Variants in COL4A6 observed in about 807,000 individuals in gnomAD.
COL4A6 encodes collagen type IV alpha 6 chain.
A neutral mutation model predicts 126.7 loss-of-function variants in COL4A6; 59 were observed. The observed-to-expected ratio is 0.47, with a 90% CI of 0.38 to 0.58. COL4A6 has a LOEUF of 0.58. COL4A6 is among the 20% of genes least tolerant of loss of function. The pLI, the probability that COL4A6 is intolerant of heterozygous loss-of-function variation, is 0.00. For synonymous variants in COL4A6, 547 were observed against 496.6 expected (o/e 1.10, Z -1.35); for missense variants, 1,285 against 1,337.3 (o/e 0.96, Z 0.61).
At chrX:108,355,281 C>A (rs2039935250) in intron 2 of COL4A6, among the ~76,000 whole-genome samples, 1 of 111,841 alleles carries the variant, frequency 8.9e-6, no homozygotes, top group South Asian at 3.7e-4. Flanking sequence ...GCTGTCTCCA[C>A]CTAAACTATC....
intron 2 of COL4A6, among the ~76,000 whole-genome samples, chrX:108,387,164 G>T (rs1388432282): frequency 8.9e-6 from 1 of 111,967 alleles, no homozygotes; most frequent in African/African-American, 3.2e-5. Context: ...TCCAAGCTTT[G>T]TTCTTTTTGC....
At chrX:108,427,661 G>GTTAGAGTGGCATGATCAATT (rs1341160045) in intron 2 of COL4A6, among the ~76,000 whole-genome samples, 21 of 111,680 alleles carry the variant, frequency 1.9e-4, no homozygotes, top group African/African-American at 6.5e-4. Flanking sequence ...TTCCACAAAT[G>GTTAGAGTGGCATGATCAATT]TTAGAGTGGC....
At chrX:108,307,191 G>A (rs971734177) in intron 3 of COL4A6, among the ~76,000 whole-genome samples, 8 of 111,657 alleles carry the variant, frequency 7.2e-5, no homozygotes, top group Non-Finnish European at 1.3e-4. Context: ...AAAGAAAAGT[G>A]AAAGTCATAT....
chrX:108,194,368 G>T (rs2035145892), intron 16 of COL4A6, among the ~76,000 whole-genome samples, 166 bp downstream of exon 16: 1 of 112,230 alleles, frequency 8.9e-6, no homozygotes, highest in African/African-American at 3.2e-5. Flanking sequence ...TCTAAGAAAT[G>T]CTCATTAGCA....
chrX:108,388,663 C>G (rs1415529800), intron 2 of COL4A6, among the ~76,000 whole-genome samples: 1 of 111,643 alleles, frequency 9.0e-6, no homozygotes, highest in African/African-American at 3.3e-5. Flanking sequence ...TTTCAAAAAA[C>G]TGGCTCCTGG....
chrX:108,249,660 G>C (rs2036802078), intron 3 of COL4A6, among the ~76,000 whole-genome samples: 1 of 111,503 alleles, frequency 9.0e-6, no homozygotes, highest in African/African-American at 3.3e-5. Context: ...TAGCTGGGGA[G>C]GTCTGCACTT....
At chrX:108,428,170 T>TAA (rs373757078) in intron 2 of COL4A6, among the ~76,000 whole-genome samples, 26 of 101,106 alleles carry the variant, frequency 2.6e-4, no homozygotes, top group East Asian at 2.1e-3. Flanking sequence ...GCTAATGAGC[T>TAA]AAAAAAAAAA....
intron 2 of COL4A6, among the ~76,000 whole-genome samples, chrX:108,437,432 T>A (rs1363507093): frequency 5.4e-5 from 6 of 111,628 alleles, no homozygotes; most frequent in Admixed American, 9.5e-5. Context: ...CATCACCTAG[T>A]GGTATCAGTT....
intron 3 of COL4A6, among the ~76,000 whole-genome samples, chrX:108,258,444 T>C (rs2037068055): frequency 8.9e-6 from 1 of 112,035 alleles, no homozygotes; most frequent in African/African-American, 3.2e-5. Flanking sequence ...AGGCCTATCT[T>C]ACTAATGACT....
chrX:108,348,552 A>C (rs145466383), intron 2 of COL4A6, among the ~76,000 whole-genome samples: 1,666 of 112,229 alleles, frequency 0.015, 26 homozygotes, highest in African/African-American at 0.051. Flanking sequence ...AAGTTTTAAA[A>C]CTATTTTTTT....
chrX:108,236,850 C>A (rs1292755976), intron 3 of COL4A6, among the ~76,000 whole-genome samples: 1 of 111,627 alleles, frequency 9.0e-6, no homozygotes, highest in Non-Finnish European at 1.9e-5. Flanking sequence ...TTTGTCATCA[C>A]CGAACACTCT....
chrX:108,398,022 G>C (rs2041002809), intron 2 of COL4A6, among the ~76,000 whole-genome samples: 2 of 112,642 alleles, frequency 1.8e-5, no homozygotes, highest in African/African-American at 6.4e-5. Context: ...TGAGAGTTTA[G>C]TCCACAAAAC....
At chrX:108,166,010 A>T (rs2034118851) in intron 37 of COL4A6, among the ~76,000 whole-genome samples, 1 of 112,496 alleles carries the variant, frequency 8.9e-6, no homozygotes, top group African/African-American at 3.2e-5. Flanking sequence ...TATCTTCTGC[A>T]ATTTCTAGGC....
chrX:108,222,117 C>T (rs781520966), intron 3 of COL4A6, among the ~76,000 whole-genome samples: 15 of 112,425 alleles, frequency 1.3e-4, no homozygotes, highest in African/African-American at 4.5e-4. Flanking sequence ...ATTTTAAATG[C>T]CCTGCTTATA....
intron 25 of COL4A6, among the ~76,000 whole-genome samples, chrX:108,179,936 G>C (rs969499038): frequency 9.2e-6 from 1 of 109,200 alleles, no homozygotes; most frequent in Non-Finnish European, 1.9e-5. Flanking sequence ...CATCCCCAGA[G>C]GTTATGATCA....
At chrX:108,292,547 A>G (rs2038188169) in intron 3 of COL4A6, among the ~76,000 whole-genome samples, 1 of 112,030 alleles carries the variant, frequency 8.9e-6, no homozygotes, top group African/African-American at 3.2e-5. Context: ...GAAGGGAAGG[A>G]GATAAGAACT....
intron 3 of COL4A6, among the ~76,000 whole-genome samples, chrX:108,250,055 G>A (rs756996760): frequency 5.4e-5 from 6 of 112,076 alleles, no homozygotes; most frequent in Admixed American, 9.4e-5. Context: ...CTGTGCAAAC[G>A]AAACTCCAGG....
intron 3 of COL4A6, among the ~76,000 whole-genome samples, chrX:108,226,722 C>T (rs996653426): frequency 9.0e-6 from 1 of 111,471 alleles, no homozygotes; most frequent in Non-Finnish European, 1.9e-5. Context: ...GTAAATGGCA[C>T]CATTCATAAA....
intron 30 of COL4A6, 97 bp downstream of exon 30, chrX:108,174,993 G>T: frequency 9.6e-7 from 1 of 1,036,277 alleles, no homozygotes; most frequent in South Asian, 2.7e-5. Flanking sequence ...GTTGGCGATG[G>T]GGGGCTGTAC....
Sources: gnomAD v4.1 joint callset for allele counts (sites outside exome capture counted in the v4.1 genomes callset) on GRCh38, gnomAD v4.1.1 for gene constraint, MANE v1.5 for transcripts, NCBI Gene and HGNC (gene_info 2026-07-23, HGNC 2026-07-21) for gene names.